The following PCNX1 variants were observed in gnomAD, a reference collection of about 807,000 sequenced individuals.
The protein encoded by PCNX1 is pecanex-like protein 1.
A neutral mutation model predicts 242.2 loss-of-function variants in PCNX1; 78 were observed. The ratio of observed to expected loss-of-function variants is 0.32; its 90% confidence interval spans 0.27 to 0.39. PCNX1 has a LOEUF of 0.39. Among genes scored for constraint, PCNX1 ranks in the 10% least tolerant of loss-of-function variants. The probability of loss-of-function intolerance (pLI) is 1.00; values close to 1 mark genes in which losing one functional copy is unlikely to be tolerated. For missense variants in PCNX1, 2,581 were observed against 2,856.5 expected (o/e 0.90, Z 2.20); for synonymous variants, 1,024 against 1,032.9 (o/e 0.99, Z 0.17).
chr14:70,919,540 A>T (rs1050569198), intron 1 of PCNX1, among the ~76,000 whole-genome samples: 2 of 152,156 alleles, frequency 1.3e-5, no homozygotes, highest in African/African-American at 4.8e-5. Flanking sequence ...AGAATAGCAC[A>T]GACTAATAAT....
intron 1 of PCNX1, among the ~76,000 whole-genome samples, chr14:70,918,373 A>G (rs539273309): frequency 3.9e-5 from 6 of 152,236 alleles, no homozygotes; most frequent in East Asian, 3.9e-4. Context: ...ACTCTTTACT[A>G]TCGTCTGTGG....
intron 26 of PCNX1, among the ~76,000 whole-genome samples, chr14:71,065,813 G>T (rs1274536214): frequency 1.3e-5 from 2 of 152,182 alleles, no homozygotes; most frequent in African/African-American, 4.8e-5. Context: ...AAGGGGTCCA[G>T]TTTCAGTTTT....
chr14:71,103,380 T>C lies in PCNX1; in HGVS notation c.5821-15T>C, dbSNP rs1212476156. ...TTGGCCCCTTAACCTAATTCCCTTGTGTTCTGGTTTTCAGGTGAATAAGGA... is the reference window on the plus strand; with the variant it reads ...TTGGCCCCTTAACCTAATTCCCTTGCGTTCTGGTTTTCAGGTGAATAAGGA... On this transcript the variant is annotated splice_polypyrimidine_tract_variant and intron_variant, in intron 31 of 35. Coordinates refer to ENST00000304743, the MANE Select transcript of PCNX1 (RefSeq NM_014982.3). The C allele has an allele frequency of 1.4e-5, 22 of 1,612,962 alleles. No individual in the cohort carries two copies. Among genetic ancestry groups the C allele is most frequent in the Middle Eastern group, 1.7e-4 (1 of 6,046 alleles).
intron 19 of PCNX1, among the ~76,000 whole-genome samples, chr14:71,042,603 T>C (rs1420712379): frequency 2.0e-5 from 3 of 150,658 alleles, no homozygotes; most frequent in African/African-American, 7.3e-5. Context: ...TAATTGGCTG[T>C]TTTTAAAAAA....
intron 8 of PCNX1, among the ~76,000 whole-genome samples, chr14:71,006,673 A>T (rs375532422): frequency 6.6e-6 from 1 of 152,234 alleles, no homozygotes; most frequent in African/African-American, 2.4e-5. Flanking sequence ...AAATAGTAAA[A>T]TTGCTGTGTA....
intron 1 of PCNX1, among the ~76,000 whole-genome samples, chr14:70,944,262 C>T (rs1212123662): frequency 1.3e-5 from 2 of 152,218 alleles, no homozygotes; most frequent in African/African-American, 4.8e-5. Flanking sequence ...GAGCTGTACC[C>T]TGCAAAGCCA....
chr14:70,951,278 T>G (rs1400937296), intron 2 of PCNX1, among the ~76,000 whole-genome samples: 1 of 152,180 alleles, frequency 6.6e-6, no homozygotes, highest in Admixed American at 6.5e-5. Context: ...CCATACTGTT[T>G]TTATCATAGT....
At chr14:70,939,017 T>G (rs1385061607) in intron 1 of PCNX1, among the ~76,000 whole-genome samples, 1 of 152,170 alleles carries the variant, frequency 6.6e-6, no homozygotes, top group Non-Finnish European at 1.5e-5. Context: ...GATTCTTCTG[T>G]CTTTTCTTCT....
chr14:70,956,055 G>A (rs2057982022), intron 2 of PCNX1, among the ~76,000 whole-genome samples: 1 of 151,896 alleles, frequency 6.6e-6, no homozygotes. Context: ...CACACTGAGG[G>A]GCTGCTGCTG....
At chr14:70,942,099 C>A (rs1165295901) in intron 1 of PCNX1, among the ~76,000 whole-genome samples, 4 of 152,208 alleles carry the variant, frequency 2.6e-5, no homozygotes, top group South Asian at 2.1e-4. Context: ...GATGCCCAGT[C>A]CTGCTTTGGC....
chr14:71,057,429 G>GT (rs2061212801), intron 25 of PCNX1, 80 bp from the exon 26 acceptor site: 4 of 876,456 alleles, frequency 4.6e-6, no homozygotes, highest in Middle Eastern at 3.1e-4. Flanking sequence ...CATACTAGAA[G>GT]TTTTTAATAT....
At chr14:71,100,374 T>G (rs1428224056) in intron 30 of PCNX1, among the ~76,000 whole-genome samples, 2 of 152,224 alleles carry the variant, frequency 1.3e-5, no homozygotes, top group African/African-American at 4.8e-5. Context: ...TGGCAGGATA[T>G]GAAATTCTTG....
chr14:70,931,214 G>A (rs2056786674), intron 1 of PCNX1, among the ~76,000 whole-genome samples: 1 of 152,046 alleles, frequency 6.6e-6, no homozygotes, highest in Admixed American at 6.6e-5. Flanking sequence ...AAGCCAAAGG[G>A]GGTTTTTCTA....
intron 1 of PCNX1, among the ~76,000 whole-genome samples, chr14:70,925,498 TC>T (rs936026360): frequency 1.3e-5 from 2 of 152,050 alleles, no homozygotes; most frequent in Middle Eastern, 3.4e-3. Context: ...TCCAGTGACT[TC>T]CGGTCATTCA....
Position 70,940,472 on chromosome 14 carries a change from T to A in PCNX1, c.154-6443T>A, listed in dbSNP as rs376186023. Reference sequence around the variant, plus strand: ...TATTGGCCCCCACTCTCTTCTTGATTGTAGAGTTTCTGCCAAGAGATCAGC... The same window carrying A: ...TATTGGCCCCCACTCTCTTCTTGATAGTAGAGTTTCTGCCAAGAGATCAGC... On this transcript the variant is annotated intron_variant, in intron 1 of 35. Transcript: ENST00000304743. Among the ~76,000 whole-genome samples the A allele has an allele frequency of 5.3e-5, 8 of 152,252 alleles. No individual in the cohort carries two copies. The South Asian group carries it at 1.7e-3, about 31-fold the overall frequency.
chr14:71,101,766 TAGAG>T (rs1017306389), intron 30 of PCNX1, among the ~76,000 whole-genome samples: 1 of 152,042 alleles, frequency 6.6e-6, no homozygotes, highest in African/African-American at 2.4e-5. Flanking sequence ...ATCTAGAACT[TAGAG>T]GAGAGGGTTG....
intron 3 of PCNX1, among the ~76,000 whole-genome samples, chr14:70,964,373 T>G (rs2058314959): frequency 6.6e-6 from 1 of 152,164 alleles, no homozygotes; most frequent in Non-Finnish European, 1.5e-5. Flanking sequence ...AGCCTTAGAT[T>G]GATACTTTTT....
chr14:71,086,680 C>T (rs565698254), intron 28 of PCNX1, among the ~76,000 whole-genome samples: 4 of 152,298 alleles, frequency 2.6e-5, no homozygotes, highest in South Asian at 2.1e-4. Context: ...GTGCTGTTGC[C>T]GTAGATCTCC....
chr14:71,006,551 A>G (rs2059673840), intron 8 of PCNX1, among the ~76,000 whole-genome samples: 1 of 152,150 alleles, frequency 6.6e-6, no homozygotes, highest in Non-Finnish European at 1.5e-5. Context: ...ATTAGAAAAA[A>G]TTAGTATTGA....
Sources: gnomAD v4.1 joint callset for allele counts (sites outside exome capture counted in the v4.1 genomes callset) on GRCh38, gnomAD v4.1.1 for gene constraint, MANE v1.5 for transcripts, NCBI Gene and HGNC (gene_info 2026-07-23, HGNC 2026-07-21) for gene names.